ZNF398: variants seen among roughly 807,000 people sequenced by gnomAD.
ZNF398 encodes the protein zinc finger DNA binding protein ZER6.
In ZNF398, 18 loss-of-function variants were observed where a neutral mutation model predicts 41.9. The ratio of observed to expected loss-of-function variants is 0.43; its 90% CI spans 0.30 to 0.64. The LOEUF (loss-of-function observed/expected upper bound fraction) is 0.64, where lower values mean the gene tolerates loss of function less well. Ranked by LOEUF, ZNF398 falls within the 30% of genes least tolerant of loss-of-function variation. The pLI, the probability that ZNF398 is intolerant of heterozygous loss-of-function variation, is 0.14. For synonymous variants in ZNF398, 260 were observed against 308.8 expected, an observed-to-expected ratio of 0.84 and a Z score of 1.66; for missense variants, 669 against 822.8, an observed-to-expected ratio of 0.81 and a Z score of 2.29.
At chr7:149,169,622 T>G (rs1795290154) in intron 4 of ZNF398, among the ~76,000 whole-genome samples, 1 of 152,098 alleles carries the variant, frequency 6.6e-6, no homozygotes, top group Non-Finnish European at 1.5e-5. Context: ...TGGCTAATTT[T>G]TGTATTTTCT....
At position 149,147,915 on chromosome 7, in the gene ZNF398, C is replaced by T. The variant is rs1826997754; in HGVS notation, c.24+149C>T. 9.6e-7 allele frequency: 1 copy of T among 1,044,832 alleles called. No homozygotes were observed. The highest frequency in any genetic ancestry group is 1.7e-5 in the African/African-American group (1 of 59,928). 64.7% of individuals were successfully genotyped at this position (1,044,832 alleles called of 1,614,324 possible). On this transcript the variant is annotated intron_variant, in intron 1 of 5. Coordinates refer to ENST00000475153, the MANE Select transcript of ZNF398 (RefSeq NM_170686.3). This position sits in a 1 kb window ranked among gnomAD's most constrained non-coding sequence, Gnocchi z 5.6. ...GTCGCCCGTGCTTGGCGGCTGCAGC[C>T]TCGCGTGAGGGGACTTAGCGGGTGG...
chr7:149,176,362 A>G, intron 4 of ZNF398, 106 bp from the exon 5 acceptor site: 1 of 815,224 alleles, frequency 1.2e-6, no homozygotes, highest in East Asian at 2.6e-5. Flanking sequence ...AAAAAAAGAA[A>G]GGAAAAATAT....
intron 2 of ZNF398, among the ~76,000 whole-genome samples, chr7:149,134,299 G>A (rs538717395): frequency 6.6e-6 from 1 of 151,360 alleles, no homozygotes; most frequent in African/African-American, 2.4e-5. Context: ...GGCCAGGCTG[G>A]TCTTGAACTC....
intron 2 of ZNF398, among the ~76,000 whole-genome samples, chr7:149,133,678 TACATATATATGTGTGTATATATATATAC>T (rs758697774): frequency 0.015 from 955 of 65,498 alleles, 20 homozygotes; most frequent in South Asian, 0.045. Flanking sequence ...TATATATATA[TACATATATATGTGTGTATATATATATAC>T]ACACATATAT....
chr7:149,148,386 C>T (rs1827016424), intron 1 of ZNF398: 2 of 978,550 alleles, frequency 2.0e-6, no homozygotes, highest in Admixed American at 6.1e-5. Flanking sequence ...CCAGGGCGAC[C>T]GAGGCGACCG....
At chr7:149,134,610 C>G (rs1365800624) in intron 2 of ZNF398, among the ~76,000 whole-genome samples, 1 of 152,130 alleles carries the variant, frequency 6.6e-6, no homozygotes, top group African/African-American at 2.4e-5. Context: ...ACTCTGAGTA[C>G]TTTTAAAGAT....
At chr7:149,168,657 C>G (rs979736093) in intron 4 of ZNF398, among the ~76,000 whole-genome samples, 3 of 152,078 alleles carry the variant, frequency 2.0e-5, no homozygotes, top group Non-Finnish European at 4.4e-5. Flanking sequence ...CAACCTCCGC[C>G]TTCCAGGCTC....
intron 2 of ZNF398, among the ~76,000 whole-genome samples, chr7:149,155,993 T>C (rs1191461851): frequency 6.6e-6 from 1 of 152,114 alleles, no homozygotes; most frequent in South Asian, 2.1e-4. Flanking sequence ...CCCAAAGTGC[T>C]GGGATTATAG....
chr7:149,166,960 G>T (rs752889353), intron 4 of ZNF398, 30 bp downstream of exon 4: 3 of 1,507,564 alleles, frequency 2.0e-6, no homozygotes, highest in East Asian at 4.7e-5. Context: ...CCTACTTCTT[G>T]TCTCCCTTTC....
chr7:149,154,925 G>A (rs1271533507), intron 2 of ZNF398, among the ~76,000 whole-genome samples: 2 of 151,582 alleles, frequency 1.3e-5, no homozygotes, highest in African/African-American at 2.4e-5. Flanking sequence ...GGAGTTGGAG[G>A]TTGCAGTGAG....
intron 2 of ZNF398, among the ~76,000 whole-genome samples, chr7:149,162,660 T>G (rs1229743848): frequency 1.3e-5 from 2 of 152,162 alleles, no homozygotes; most frequent in African/African-American, 4.8e-5. Context: ...TGGGGAAAGA[T>G]GTAGAACTAT....
At position 149,128,497 on chromosome 7, in the gene ZNF398, A is replaced by T. The variant is rs565131622; in HGVS notation, c.-611-326A>T. On this transcript the variant is annotated intron_variant, in intron 1 of 6. Coordinates refer to the ZNF398 transcript ENST00000426851. Reference sequence around the variant, plus strand: ...CGCAGTAGCTCACGTCTGTAATCCCAGCACTTTGGGAGGCTGAGGCAGTAG... The same window carrying T: ...CGCAGTAGCTCACGTCTGTAATCCCTGCACTTTGGGAGGCTGAGGCAGTAG... 2.6e-4 allele frequency among the ~76,000 whole-genome samples: 39 copies of T among 152,198 alleles called. 1 individual carries two copies. In the South Asian group the frequency reaches 5.4e-3, roughly 21 times the overall value.
intron 1 of ZNF398, chr7:149,128,774 A>ATAAAC (rs1826536145): frequency 7.2e-6 from 1 of 139,440 alleles, no homozygotes; most frequent in African/African-American, 2.9e-5. Flanking sequence ...ATAAAATAAA[A>ATAAAC]TAAAATTATA....
At chr7:149,159,751 C>T (rs1795065033) in intron 2 of ZNF398, among the ~76,000 whole-genome samples, 1 of 151,332 alleles carries the variant, frequency 6.6e-6, no homozygotes, top group African/African-American at 2.4e-5. Flanking sequence ...GAGATGGAGT[C>T]TCACTCTGTC....
chr7:149,177,020 T>G (rs1568945), intron 5 of ZNF398, among the ~76,000 whole-genome samples: 90,005 of 151,896 alleles, frequency 0.59, 28,190 homozygotes, highest in East Asian at 0.9. Context: ...AGAAGAAATA[T>G]AAGTATCTTC....
rs1265500825 is a variant in ZNF398 at position 149,179,684 on chromosome 7, A to C, written c.1812A>C (p.Pro604=). ...GTGATAGTGACCCATCAGGTCAGCCACCCAACCCACCAGGTCCCCTCATAA... is the reference window on the plus strand; with the variant it reads ...GTGATAGTGACCCATCAGGTCAGCCCCCCAACCCACCAGGTCCCCTCATAA... ...CGGDSDPSGQ[P]PNPPGPLITG... is the part of the protein sequence containing the mutation. The change falls in exon 6 of 6, where the codon CCA becomes CCC. Residue 604 remains proline, a synonymous_variant. Transcript: ENST00000475153. This position sits in a 1 kb window ranked among gnomAD's most constrained non-coding sequence, Gnocchi z 6.1. 1 of 1,614,192 alleles carries C rather than the reference A, an allele frequency of 6.2e-7. No individual in the cohort carries two copies. Among genetic ancestry groups the C allele is most frequent in the Admixed American group, 1.7e-5 (1 of 60,006 alleles).
At chr7:149,152,792 C>T (rs1388359813) in intron 1 of ZNF398, among the ~76,000 whole-genome samples, 7 of 151,534 alleles carry the variant, frequency 4.6e-5, no homozygotes, top group African/African-American at 1.7e-4. Context: ...CTCGAACTCC[C>T]GACCTCAGGT....
intron 2 of ZNF398, among the ~76,000 whole-genome samples, chr7:149,163,031 AAG>A (rs1227042260): frequency 1.3e-5 from 2 of 152,164 alleles, no homozygotes; most frequent in African/African-American, 2.4e-5. Context: ...ACGGCTGAAA[AAG>A]AGAATTCTGG....
At chr7:149,153,859 G>A in intron 1 of ZNF398, 86 bp from the exon 2 acceptor site, 1 of 1,454,264 alleles carries the variant, frequency 6.9e-7, no homozygotes, top group Non-Finnish European at 9.3e-7. Context: ...CTGCTGGACA[G>A]TTAAGCAGTC....
Sources: gnomAD v4.1 joint callset for allele counts (sites outside exome capture counted in the v4.1 genomes callset) on GRCh38, gnomAD v4.1.1 for gene constraint, Gnocchi (gnomAD v3.1) non-coding constraint, MANE v1.5 for transcripts, NCBI Gene and HGNC (gene_info 2026-07-23, HGNC 2026-07-21) for gene names.